ZNF717: variants seen among roughly 807,000 people sequenced by gnomAD.
ZNF717 encodes zinc finger protein 717.
ZNF717 carries 9 observed loss-of-function variants against 13.8 expected under a neutral mutation model. That is an observed-to-expected ratio of 0.65 (90% confidence interval 0.39 to 1.14). The LOEUF is 1.14. Among genes scored for constraint, ZNF717 ranks in the 50% most tolerant of loss-of-function variants. The pLI is 0.01. For synonymous variants in ZNF717, 327 were observed against 364.1 expected (o/e 0.90, Z 1.16); for missense variants, 1,040 against 1,080.7 (o/e 0.96, Z 0.53).
chr3:75,718,399 TA>T (rs1351531947), intron 4 of ZNF717, among the ~76,000 whole-genome samples: 3 of 152,286 alleles, frequency 2.0e-5, no homozygotes, highest in African/African-American at 7.2e-5. Context: ...CGTTGTCAGT[TA>T]AGAATAGCCA....
chr3:75,784,418 T>A (rs1945025449), intron 1 of ZNF717, among the ~76,000 whole-genome samples: 1 of 152,212 alleles, frequency 6.6e-6, no homozygotes, highest in Non-Finnish European at 1.5e-5. Context: ...AAGTCTTAAA[T>A]TACAAATCAA....
intron 4 of ZNF717, among the ~76,000 whole-genome samples, chr3:75,716,715 G>A (rs1350221590): frequency 3.2e-4 from 49 of 152,322 alleles, no homozygotes; most frequent in Non-Finnish European, 6.2e-4. Flanking sequence ...CTTGGGGGTG[G>A]TAAATAATTA....
At position 75,783,352 on chromosome 3, in the gene ZNF717, A is replaced by G. The variant is rs542558067; in HGVS notation, c.11T>C (p.Val4Ala). 2.5e-4 allele frequency: 384 copies of G among 1,551,292 alleles called. No individual in the cohort carries two copies. The highest frequency in any genetic ancestry group is 3.3e-4 in the Non-Finnish European group (374 of 1,146,648). ...TAGCTCTTGGAAACAGCCAGAGAAC[A>G]CTGGAAACATAGCTGAGAGAGAAGG... MFP[V>A]FSGCFQELQE... The change falls in exon 2 of 5, where the codon GTG (valine) becomes GCG (alanine). Residue 4 changes from valine (V) to alanine (A), a missense_variant. Around this residue, in one of 3 missense-constraint regions of ZNF717, gnomAD observed 123 missense variants for 177.8 expected, o/e 0.69. Coordinates refer to ENST00000652011, the MANE Select transcript of ZNF717 (RefSeq NM_001290208.3).
intron 2 of ZNF717, among the ~76,000 whole-genome samples, chr3:75,771,479 G>A (rs1943862515): frequency 6.6e-6 from 1 of 152,320 alleles, no homozygotes; most frequent in African/African-American, 2.4e-5. Flanking sequence ...GTCAGAAGTG[G>A]GATCTGCCAG....
At chr3:75,745,676 T>C (rs1240960893) in intron 2 of ZNF717, among the ~76,000 whole-genome samples, 1 of 152,070 alleles carries the variant, frequency 6.6e-6, no homozygotes, top group Admixed American at 6.6e-5. Flanking sequence ...CTCTATGAGA[T>C]CAACTTTTTT....
intron 4 of ZNF717, among the ~76,000 whole-genome samples, chr3:75,723,753 C>T (rs1938217536): frequency 6.6e-6 from 1 of 152,164 alleles, no homozygotes; most frequent in South Asian, 2.1e-4. Context: ...CTGAGCAGAC[C>T]TTGGTCTAGC....
exon 6 of ZNF717, chr3:75,710,667 T>C (rs1258033908): frequency 6.6e-6 from 1 of 152,210 alleles, no homozygotes; most frequent in Non-Finnish European, 1.5e-5. Flanking sequence ...CTGTGATCCA[T>C]ACATCAGGCA....
chr3:75,748,163 T>TA (rs1404353866), intron 2 of ZNF717, among the ~76,000 whole-genome samples: 151 of 152,246 alleles, frequency 9.9e-4, no homozygotes, highest in African/African-American at 3.4e-3. Flanking sequence ...AATCTCTTAA[T>TA]AGACCAATAA....
intron 2 of ZNF717, among the ~76,000 whole-genome samples, chr3:75,776,614 A>T (rs1944347159): frequency 1.3e-5 from 2 of 152,242 alleles, no homozygotes; most frequent in Non-Finnish European, 2.9e-5. Flanking sequence ...CATCCACATG[A>T]CAGCAAAACT....
chr3:75,698,116 T>TGCC (rs1487388635), intron 6 of ZNF717, among the ~76,000 whole-genome samples: 6 of 152,234 alleles, frequency 3.9e-5, no homozygotes, highest in Admixed American at 3.9e-4. Context: ...GTGGCCTGGC[T>TGCC]GCTTCTAACA....
downstream of ZNF717, among the ~76,000 whole-genome samples, chr3:75,708,188 G>A (rs879680748): frequency 5.1e-5 from 7 of 138,114 alleles, no homozygotes; most frequent in Admixed American, 5.1e-4. Flanking sequence ...AGCCTAACTG[G>A]GAGGCACCCC....
Position 75,737,695 on chromosome 3 carries a change from C to T in ZNF717, c.1928G>A (p.Gly643Glu). The change falls in exon 5 of 5, where the codon GGA (glycine) becomes GAA (glutamate). Residue 643 changes from glycine to glutamate, a missense_variant. Physicochemically the swap from Gly to Glu is moderately conservative, Grantham distance 98. Around this residue, in one of 3 missense-constraint regions of ZNF717, gnomAD observed 873 missense variants for 832.8 expected, o/e 1.05. Transcript: ENST00000652011. Reference protein sequence around the residue: ...NLSTHQGTHTGEKPYVCNECG... With the variant: ...NLSTHQGTHTEEKPYVCNECG... ...TTCATTACATACGTAAGGTTTCTCT[C>T]CTGTGTGAGTTCCCTGATGGGTGCT... 1.3e-6 allele frequency: 2 copies of T among 1,545,136 alleles called. No homozygotes were observed. The highest frequency in any genetic ancestry group is 1.8e-6 in the Non-Finnish European group (2 of 1,142,496).
At chr3:75,742,898 G>A (rs1940657400) in intron 2 of ZNF717, among the ~76,000 whole-genome samples, 1 of 152,168 alleles carries the variant, frequency 6.6e-6, no homozygotes, top group Admixed American at 6.5e-5. Flanking sequence ...ACATCCTCCT[G>A]TATACAGTCA....
intron 6 of ZNF717, among the ~76,000 whole-genome samples, chr3:75,695,517 G>A (rs2106796530): frequency 6.6e-6 from 1 of 152,422 alleles, no homozygotes. Flanking sequence ...TCCAACAGCT[G>A]CAGAATATAC....
chr3:75,737,976 G>A lies in ZNF717; in HGVS notation c.1647C>T (p.Tyr549=), dbSNP rs74740396. The A allele has an allele frequency of 4.5e-6, 7 of 1,543,958 alleles. No homozygotes were observed. The highest frequency in any genetic ancestry group is 6.1e-6 in the Non-Finnish European group (7 of 1,143,266). ...TGTGAGTTCTGTGATGTACTGTAAG[G>A]TATGACTTGTGGCTATATGTTTTTC... ...ECGKTYSHKS[Y]LTVHHRTHTG... Residue 549 remains tyrosine (Y), a synonymous_variant, in exon 5 of 5, where the codon TAC becomes TAT. Transcript: ENST00000652011.
intron 4 of ZNF717, among the ~76,000 whole-genome samples, chr3:75,724,770 C>T (rs1275326801): frequency 6.6e-6 from 1 of 152,194 alleles, no homozygotes; most frequent in African/African-American, 2.4e-5. Context: ...GTTTTACTTA[C>T]TATTGCATTT....
intron 6 of ZNF717, among the ~76,000 whole-genome samples, chr3:75,700,391 G>GAAAAA (rs35600771): frequency 1.2e-3 from 133 of 111,876 alleles, no homozygotes; most frequent in African/African-American, 6.5e-3. Context: ...AGACACCATC[G>GAAAAA]AAAAAAAAAA....
intron 5 of ZNF717, among the ~76,000 whole-genome samples, chr3:75,715,423 T>C (rs972860794): frequency 5.9e-5 from 9 of 152,204 alleles, no homozygotes; most frequent in African/African-American, 2.2e-4. Flanking sequence ...ATTTTTGTGC[T>C]AGACATACCT....
intron 6 of ZNF717, among the ~76,000 whole-genome samples, chr3:75,701,395 G>C (rs1323359711): frequency 2.0e-4 from 30 of 151,562 alleles, no homozygotes; most frequent in African/African-American, 7.1e-4. Flanking sequence ...GTCTTGCCAG[G>C]TGTGGTGGCT....
Sources: allele counts gnomAD v4.1 joint callset (sites outside exome capture counted in the v4.1 genomes callset), GRCh38; gene constraint gnomAD v4.1.1; regional missense constraint gnomAD v4.1.1; transcripts MANE v1.5; gene names NCBI Gene and HGNC (gene_info 2026-07-23, HGNC 2026-07-21).